Variants in GRID1 observed in about 807,000 individuals in gnomAD.
GRID1 encodes glutamate receptor ionotropic, delta-1.
A neutral mutation model predicts 98.0 loss-of-function variants in GRID1; 28 were observed. That is an observed-to-expected ratio of 0.29 (90% CI 0.21 to 0.39). The LOEUF (loss-of-function observed/expected upper bound fraction) is 0.39, where lower values mean the gene tolerates loss of function less well. Ranked by LOEUF, GRID1 falls within the 10% of genes least tolerant of loss-of-function variation. GRID1 has a pLI of 1.00. For synonymous variants in GRID1, 553 were observed against 538.5 expected (o/e 1.03, Z -0.37); for missense variants, 1,111 against 1,340.5 (o/e 0.83, Z 2.67).
At chr10:85,901,285 G>A (rs537055993) in intron 5 of GRID1, among the ~76,000 whole-genome samples, 98 of 148,088 alleles carry the variant, frequency 6.6e-4, no homozygotes, top group South Asian at 2.1e-3. Context: ...TCGCTCTGTC[G>A]CCCAGGCTGG....
intron 4 of GRID1, among the ~76,000 whole-genome samples, chr10:85,917,896 G>T (rs565554814): frequency 2.6e-5 from 4 of 152,368 alleles, no homozygotes; most frequent in African/African-American, 9.6e-5. Context: ...AGTCAGGATA[G>T]AGAAAGGAGG....
intron 13 of GRID1, among the ~76,000 whole-genome samples, chr10:85,638,580 G>A (rs1224186486): frequency 3.3e-5 from 5 of 152,118 alleles, no homozygotes; most frequent in African/African-American, 4.8e-5. Flanking sequence ...AAGGCATGTA[G>A]TCAATTGATT....
intron 8 of GRID1, among the ~76,000 whole-genome samples, chr10:85,752,030 T>C (rs919507404): frequency 1.3e-5 from 2 of 152,170 alleles, no homozygotes; most frequent in African/African-American, 4.8e-5. Context: ...CTTCCCAAAA[T>C]GGCCTTTCTT....
intron 4 of GRID1, among the ~76,000 whole-genome samples, chr10:85,998,983 C>T (rs1038573067): frequency 2.2e-4 from 33 of 152,130 alleles, no homozygotes; most frequent in Non-Finnish European, 3.8e-4. Flanking sequence ...GAGGCCAAGG[C>T]GGGTGGATCA....
intron 8 of GRID1, among the ~76,000 whole-genome samples, chr10:85,809,095 C>T (rs1024294873): frequency 7.3e-5 from 11 of 151,410 alleles, no homozygotes; most frequent in South Asian, 4.2e-4. Flanking sequence ...AATATAAAAT[C>T]GAATATTCAC....
At chr10:85,701,020 C>G (rs745318299) in intron 12 of GRID1, among the ~76,000 whole-genome samples, 11 of 152,182 alleles carry the variant, frequency 7.2e-5, no homozygotes, top group Admixed American at 2.6e-4. Context: ...CATCCTTACT[C>G]TTTTCAGATA....
intron 8 of GRID1, among the ~76,000 whole-genome samples, chr10:85,818,175 G>A (rs1033811870): frequency 1.3e-5 from 2 of 152,214 alleles, no homozygotes; most frequent in East Asian, 1.9e-4. Flanking sequence ...CTGTCAAAGA[G>A]TGAAGTAACA....
chr10:85,866,128 A>G (rs1843219067), intron 6 of GRID1, among the ~76,000 whole-genome samples: 1 of 150,724 alleles, frequency 6.6e-6, no homozygotes, highest in South Asian at 2.1e-4. Context: ...AGCCTAAAAT[A>G]CAAAGCCTCT....
At chr10:85,943,283 T>C (rs1842017578) in intron 4 of GRID1, among the ~76,000 whole-genome samples, 1 of 152,110 alleles carries the variant, frequency 6.6e-6, no homozygotes, top group Non-Finnish European at 1.5e-5. Context: ...GGAAATTTAA[T>C]AAAGAATGCT....
At chr10:85,910,466 C>T (rs979369055) in intron 5 of GRID1, among the ~76,000 whole-genome samples, 11 of 152,064 alleles carry the variant, frequency 7.2e-5, no homozygotes, top group African/African-American at 2.7e-4. Flanking sequence ...GAGTGATGTC[C>T]CTGGACTGTT....
intron 4 of GRID1, among the ~76,000 whole-genome samples, chr10:85,975,856 A>G (rs936943272): frequency 1.3e-5 from 2 of 152,236 alleles, no homozygotes; most frequent in African/African-American, 4.8e-5. Context: ...TTTCTTTCCT[A>G]TAAAATATAT....
intron 4 of GRID1, among the ~76,000 whole-genome samples, chr10:86,117,816 T>G (rs1844606437): frequency 3.9e-5 from 6 of 152,216 alleles, no homozygotes; most frequent in Admixed American, 1.3e-4. Flanking sequence ...GATGTTGGCT[T>G]GAATGCAGTG....
intron 4 of GRID1, among the ~76,000 whole-genome samples, chr10:86,066,407 C>A (rs1047664848): frequency 2.6e-5 from 4 of 152,092 alleles, no homozygotes; most frequent in African/African-American, 9.7e-5. Context: ...GGGCTGTGTG[C>A]CAGGGGTATT....
chr10:85,973,038 T>C (rs1333152488), intron 4 of GRID1, among the ~76,000 whole-genome samples: 5 of 152,230 alleles, frequency 3.3e-5, no homozygotes, highest in Non-Finnish European at 5.9e-5. Flanking sequence ...GTATTTAACA[T>C]AGGGCCAGGC....
intron 4 of GRID1, among the ~76,000 whole-genome samples, chr10:86,033,689 C>T (rs1037888650): frequency 6.6e-6 from 1 of 152,216 alleles, no homozygotes; most frequent in African/African-American, 2.4e-5. Context: ...ACTGGGCCTC[C>T]AGGCTGGACA....
chr10:86,064,842 T>A (rs896140627), intron 4 of GRID1, among the ~76,000 whole-genome samples: 3 of 152,232 alleles, frequency 2.0e-5, no homozygotes, highest in African/African-American at 7.2e-5. Flanking sequence ...TCCTATTCAT[T>A]CTTTAAAAGA....
At chr10:86,331,162 C>G (rs148803323) in intron 2 of GRID1, among the ~76,000 whole-genome samples, 2 of 152,232 alleles carry the variant, frequency 1.3e-5, no homozygotes, top group Non-Finnish European at 2.9e-5. Context: ...GCCTGGCCCA[C>G]GGGATGTGTT....
intron 4 of GRID1, among the ~76,000 whole-genome samples, chr10:86,074,794 C>T (rs1843857441): frequency 6.6e-6 from 1 of 152,208 alleles, no homozygotes; most frequent in Non-Finnish European, 1.5e-5. Context: ...AGCTTTTACA[C>T]AGAGATGGTG....
At chr10:85,857,776 A>G (rs1843127068) in intron 6 of GRID1, among the ~76,000 whole-genome samples, 1 of 152,164 alleles carries the variant, frequency 6.6e-6, no homozygotes, top group African/African-American at 2.4e-5. Context: ...GGAAGATCAA[A>G]TAGGCTCCTT....
Sources: allele counts gnomAD v4.1 joint callset (sites outside exome capture counted in the v4.1 genomes callset), GRCh38; gene constraint gnomAD v4.1.1; transcripts MANE v1.5; gene names NCBI Gene and HGNC (gene_info 2026-07-23, HGNC 2026-07-21).